The following FRAS1 variants were observed in gnomAD, a reference collection of about 807,000 sequenced individuals.
FRAS1 encodes extracellular matrix organizing protein FRAS1.
A neutral mutation model predicts 435.2 loss-of-function variants in FRAS1; 290 were observed. That is an observed-to-expected ratio of 0.67 (90% CI 0.61 to 0.73). FRAS1 has a LOEUF of 0.73. FRAS1 is among the 30% of genes least tolerant of loss of function. The pLI is 0.00. For synonymous variants in FRAS1, 1,800 were observed against 1,851.0 expected (o/e 0.97, Z 0.71); for missense variants, 4,860 against 5,001.5 (o/e 0.97, Z 0.85).
At chr4:78,400,268 A>G (rs138557302) in intron 29 of FRAS1, among the ~76,000 whole-genome samples, 6 of 152,308 alleles carry the variant, frequency 3.9e-5, no homozygotes, top group African/African-American at 1.2e-4. Context: ...TAGAGCATTA[A>G]TCGTGAAGCA....
Position 78,272,032 on chromosome 4 carries a change from C to G in FRAS1, c.981+4600C>G, listed in dbSNP as rs184841430. 2.0e-5 allele frequency among the ~76,000 whole-genome samples: 3 copies of G among 152,328 alleles called. No individual in the cohort carries two copies. The East Asian group carries it at 5.8e-4, about 29-fold the overall frequency. On this transcript the variant is annotated intron_variant, in intron 9 of 73. Transcript: ENST00000512123. The stretch of plus-strand genomic sequence containing the variant: ...CTAACTGGTGTGAGACGGTATCTCA[C>G]TGTGGTTTTGATTTGCATTTCTCTG...
intron 33 of FRAS1, 108 bp downstream of exon 33, chr4:78,419,171 T>C: frequency 1.7e-6 from 1 of 603,076 alleles, no homozygotes; most frequent in Non-Finnish European, 2.8e-6. Context: ...GAGATATTTG[T>C]TGAGGTTTCA....
intron 43 of FRAS1, among the ~76,000 whole-genome samples, chr4:78,447,611 C>T (rs902206287): frequency 1.3e-5 from 2 of 152,124 alleles, no homozygotes; most frequent in African/African-American, 2.4e-5. Flanking sequence ...ATGCTTCAAT[C>T]TAAAGATGCT....
Position 78,482,479 on chromosome 4 carries a change from C to T in FRAS1, c.8696C>T (p.Ala2899Val), listed in dbSNP as rs1720040874. ...FVVFLSSAQG[A>V]ELTKPFQAVI... ...GTTTTCCTCAGCTCAGCACAAGGAG[C>T]CGAACTGACCAAACCCTTCCAGGCA... is the stretch of plus-strand genomic sequence containing the variant. The change falls in exon 58 of 74, where the codon GCC (alanine) becomes GTC (valine). Residue 2899 changes from alanine to valine, a missense_variant. Physicochemically the swap from Ala to Val is moderately conservative, Grantham distance 64 (BLOSUM62 0). Coordinates refer to ENST00000512123, the MANE Select transcript of FRAS1 (RefSeq NM_025074.7). The T allele has an allele frequency of 1.2e-6, 2 of 1,613,892 alleles. No homozygotes were observed. The highest frequency in any genetic ancestry group is 2.2e-5 in the East Asian group (1 of 44,882).
At chr4:78,439,170 C>A in intron 40 of FRAS1, 106 bp downstream of exon 40, 1 of 922,390 alleles carries the variant, frequency 1.1e-6, no homozygotes, top group South Asian at 1.6e-5. Context: ...ATATTTCCCC[C>A]AAAATATCCA....
At chr4:78,413,727 G>A (rs1733445542) in intron 32 of FRAS1, among the ~76,000 whole-genome samples, 1 of 152,228 alleles carries the variant, frequency 6.6e-6, no homozygotes, top group South Asian at 2.1e-4. Context: ...GCAAGGATGT[G>A]TGATGAGGAT....
rs746446917 is a variant in FRAS1, at chr4:78,429,108, A to G, written c.4725A>G (p.Glu1575=). The G allele has an allele frequency of 1.3e-6, 2 of 1,555,768 alleles. No homozygotes were observed. The highest frequency in any genetic ancestry group is 8.7e-7 in the Non-Finnish European group (1 of 1,149,348). Residue 1575 remains glutamate (E), a synonymous_variant, in exon 36 of 74, where the codon GAA becomes GAG. Transcript: ENST00000512123. ...TATCCTTTTTAGTTTCAGATGGAGA[A>G]CACACAAGTCCGGAGATGGTCCTCA... ...VKFHFTVSDG[E]HTSPEMVLTI...
At chr4:78,087,980 C>A (rs1741287934) in intron 2 of FRAS1, among the ~76,000 whole-genome samples, 4 of 152,162 alleles carry the variant, frequency 2.6e-5, no homozygotes, top group Admixed American at 2.0e-4. Context: ...CAATCCTAAG[C>A]CAAAAGAACA....
At chr4:78,193,046 G>A (rs552005821) in intron 2 of FRAS1, among the ~76,000 whole-genome samples, 4 of 152,314 alleles carry the variant, frequency 2.6e-5, no homozygotes, top group Admixed American at 2.6e-4. Context: ...CAGTCATTCA[G>A]GAGCAGGTTA....
rs770223108 is a variant in FRAS1 at position 78,252,521 on chromosome 4, A to G, written c.439A>G (p.Ser147Gly). 14 of 1,613,744 alleles carry G rather than the reference A, an allele frequency of 8.7e-6. No homozygotes were observed. The highest frequency in any genetic ancestry group is 1.7e-4 in the Middle Eastern group (1 of 6,058). The change falls in exon 5 of 74, where the codon AGC (serine) becomes GGC (glycine). Residue 147 changes from serine (S) to glycine (G), a missense_variant. Transcript: ENST00000512123. The stretch of plus-strand genomic sequence containing the variant: ...GGAGCTGGCATTCATCCCTGAAGGA[A>G]GCTGCTGCCCAGTTTGTGTGGGCCT... ...HQELAFIPEG[S>G]CCPVCVGLGK...
At chr4:78,477,686 G>C (rs1719891486) in intron 54 of FRAS1, 129 bp from the exon 55 acceptor site, 1 of 1,180,206 alleles carries the variant, frequency 8.5e-7, no homozygotes, top group Non-Finnish European at 1.2e-6. Flanking sequence ...ACCAGGGCTG[G>C]GAGAACCAGC....
rs560099509 is a variant in FRAS1 at position 78,315,534 on chromosome 4, C to T, written c.1679-60C>T. 3.5e-4 allele frequency: 542 copies of T among 1,528,176 alleles called. 8 individuals are homozygous for T. In the South Asian group the frequency reaches 6.4e-3, roughly 18 times the overall value. The allele number at this position is 1,528,176 out of a possible 1,614,324, so 94.7% of individuals were successfully genotyped here. On this transcript the variant is annotated intron_variant, in intron 15 of 73. Transcript: ENST00000512123. ...CATTGTGGATATTGTAAAGAATAGA[C>T]TTCACTGCTTCTTTTGCTCACTATT...
intron 2 of FRAS1, among the ~76,000 whole-genome samples, chr4:78,206,885 T>C (rs1723282691): frequency 6.6e-6 from 1 of 152,190 alleles, no homozygotes; most frequent in African/African-American, 2.4e-5. Flanking sequence ...ATTTCCTGCT[T>C]CCTTTGTGGA....
chr4:78,218,160 C>T (rs1320730958), intron 2 of FRAS1, among the ~76,000 whole-genome samples: 1 of 122,172 alleles, frequency 8.2e-6, no homozygotes, highest in Non-Finnish European at 1.7e-5. Context: ...AATATTTTAC[C>T]AAATGAAGTA....
rs1264950276 is a variant in FRAS1, at chr4:78,542,059, G to A, written c.*935G>A. 6.6e-6 allele frequency: 1 copy of A among 152,180 alleles called. No individual in the cohort carries two copies. Among genetic ancestry groups the A allele is most frequent in the African/African-American group, 2.4e-5 (1 of 41,436 alleles). 9.4% of individuals were successfully genotyped at this position (152,180 alleles called of 1,614,324 possible). ...CTGTAACAGACAATCCCATGTCCTA[G>A]GTATGGTTTTTTATTCTGTTAGTGC... On this transcript the variant is annotated 3_prime_UTR_variant, in exon 74 of 74. Coordinates refer to ENST00000512123, the MANE Select transcript of FRAS1 (RefSeq NM_025074.7).
intron 47 of FRAS1, among the ~76,000 whole-genome samples, chr4:78,458,581 AACTT>A (rs1719274361): frequency 6.6e-6 from 1 of 152,116 alleles, no homozygotes; most frequent in African/African-American, 2.4e-5. Flanking sequence ...AAGGCTGAAA[AACTT>A]ACTATTGGAT....
intron 12 of FRAS1, 99 bp from the exon 13 acceptor site, chr4:78,284,306 A>C: frequency 1.1e-6 from 1 of 918,950 alleles, no homozygotes; most frequent in Non-Finnish European, 1.5e-6. Context: ...TTCATGTTCT[A>C]TGTAATGCTA....
chr4:78,415,509 C>G (rs1053039908), intron 32 of FRAS1, among the ~76,000 whole-genome samples: 1 of 152,188 alleles, frequency 6.6e-6, no homozygotes, highest in African/African-American at 2.4e-5. Context: ...CTGTTTGCTG[C>G]TTCCCAGATC....
intron 22 of FRAS1, among the ~76,000 whole-genome samples, chr4:78,365,218 A>G (rs546271366): frequency 6.6e-6 from 1 of 152,344 alleles, no homozygotes; most frequent in East Asian, 1.9e-4. Context: ...CATTAGTTAT[A>G]TGAAACTCAC....
Sources: allele counts gnomAD v4.1 joint callset (sites outside exome capture counted in the v4.1 genomes callset), GRCh38; gene constraint gnomAD v4.1.1; transcripts MANE v1.5; gene names NCBI Gene and HGNC (gene_info 2026-07-23, HGNC 2026-07-21).